SS18: variants seen among roughly 807,000 people sequenced by gnomAD.
The protein encoded by SS18 is protein SSXT.
In SS18, 28 loss-of-function variants were observed where a neutral mutation model predicts 72.5. That is an observed-to-expected ratio of 0.39 (90% confidence interval 0.29 to 0.53). SS18 has a LOEUF of 0.53. Ranked by LOEUF, SS18 falls within the 20% of genes least tolerant of loss-of-function variation. The pLI is 0.76. For synonymous variants in SS18, 172 were observed against 164.2 expected (o/e 1.05, Z -0.37); for missense variants, 518 against 535.3 (o/e 0.97, Z 0.32).
intron 3 of SS18, among the ~76,000 whole-genome samples, chr18:26,065,824 T>TATATATATATATATATAA (rs10527527): frequency 7.3e-6 from 1 of 136,740 alleles, no homozygotes; most frequent in African/African-American, 2.6e-5. Flanking sequence ...TATATATATA[T>TATATATATATATATATAA]GATCATTTTA....
At chr18:26,021,821 T>C (rs1342804699) in intron 10 of SS18, among the ~76,000 whole-genome samples, 1 of 152,158 alleles carries the variant, frequency 6.6e-6, no homozygotes, top group Admixed American at 6.5e-5. Context: ...CAGAAAAGTT[T>C]TGGTAGAAAA....
At chr18:26,091,006 C>A, upstream of SS18, 1 of 214,274 alleles carries the variant, frequency 4.7e-6, no homozygotes. Context: ...CAACTTGCCT[C>A]CCTCTCCGGC....
intron 10 of SS18, among the ~76,000 whole-genome samples, chr18:26,030,858 A>G (rs2053531645): frequency 2.0e-5 from 3 of 152,224 alleles, no homozygotes; most frequent in Admixed American, 2.0e-4. Flanking sequence ...TAAAAACAAT[A>G]AAGAATGAAT....
At chr18:26,053,468 A>G (rs1385605183) in intron 4 of SS18, among the ~76,000 whole-genome samples, 1 of 151,988 alleles carries the variant, frequency 6.6e-6, no homozygotes, top group Non-Finnish European at 1.5e-5. Flanking sequence ...GCCATAAAAC[A>G]TTGATAAATT....
chr18:26,029,548 T>C (rs1316608454), intron 10 of SS18, among the ~76,000 whole-genome samples: 1 of 152,146 alleles, frequency 6.6e-6, no homozygotes, highest in Non-Finnish European at 1.5e-5. Flanking sequence ...GCTAATTGGA[T>C]GTCTGCTTTG....
intron 3 of SS18, among the ~76,000 whole-genome samples, chr18:26,065,253 G>C (rs957640234): frequency 6.6e-6 from 1 of 152,064 alleles, no homozygotes; most frequent in East Asian, 1.9e-4. Context: ...AAAATGCAAA[G>C]GACCCAGAAT....
intron 2 of SS18, among the ~76,000 whole-genome samples, chr18:26,086,737 T>C (rs536961831): frequency 1.2e-4 from 18 of 152,322 alleles, no homozygotes; most frequent in Non-Finnish European, 2.6e-4. Flanking sequence ...TGAATGACAA[T>C]CAGTTCTCTA....
At chr18:26,024,705 G>A (rs2053415950) in intron 10 of SS18, among the ~76,000 whole-genome samples, 1 of 152,124 alleles carries the variant, frequency 6.6e-6, no homozygotes, top group South Asian at 2.1e-4. Flanking sequence ...CAATAAAGCT[G>A]TTTTTGTTAA....
rs1352507744 is a variant in SS18, at chr18:26,017,783, T to C, written c.*571A>G. 1.3e-5 allele frequency: 3 copies of C among 224,354 alleles called. No individual in the cohort carries two copies. The highest frequency in any genetic ancestry group is 4.5e-5 in the African/African-American group (2 of 44,880). 13.9% of individuals were successfully genotyped at this position (224,354 alleles called of 1,614,324 possible). A position where few individuals can be genotyped will look rare whatever the true frequency, so the allele number is the denominator to read the frequency against. On this transcript the variant is annotated 3_prime_UTR_variant, in exon 11 of 11. Coordinates refer to ENST00000415083, the MANE Select transcript of SS18 (RefSeq NM_001007559.3). ...CAGTGGACATATGGTGTGCTTTGTC[T>C]TCCCCTCACCTTTATCTTTATAGCA... is the stretch of plus-strand genomic sequence containing the variant.
In SS18 at chr18:26,057,641, A is replaced by G. The variant is rs1304801766; in HGVS notation, c.333T>C (p.Gly111=). ...SHNMPSDGMV[G]GGPPAPHMQN... ...GCATGTGCGGTGCAGGAGGACCCCC[A>G]CCTACCATTCCATCTGAAGGCATGT... The change falls in exon 4 of 11, where the codon GGT becomes GGC. Residue 111 remains glycine, a synonymous_variant. Coordinates refer to ENST00000415083, the MANE Select transcript of SS18 (RefSeq NM_001007559.3). 1 of 1,613,878 alleles carries G rather than the reference A, an allele frequency of 6.2e-7. No homozygotes were observed. The highest frequency in any genetic ancestry group is 1.3e-5 in the African/African-American group (1 of 74,876).
intron 5 of SS18, among the ~76,000 whole-genome samples, chr18:26,042,185 A>G (rs2053740530): frequency 2.0e-5 from 3 of 152,216 alleles, no homozygotes. Context: ...TAAGAGAAGC[A>G]AACTCAAAAG....
chr18:26,057,812 T>G (rs976334161), intron 3 of SS18, 70 bp from the exon 4 acceptor site: 22 of 1,392,244 alleles, frequency 1.6e-5, no homozygotes, highest in Non-Finnish European at 2.0e-5. Context: ...GGTAAAAGAG[T>G]TGCTTATGTT....
At chr18:26,073,262 T>C (rs913595373) in intron 3 of SS18, among the ~76,000 whole-genome samples, 3 of 152,108 alleles carry the variant, frequency 2.0e-5, no homozygotes, top group African/African-American at 7.2e-5. Context: ...TTAGAAAATA[T>C]TTGGAATTAA....
At chr18:26,082,318 C>T (rs1282403099) in intron 2 of SS18, 4 of 880,496 alleles carry the variant, frequency 4.5e-6, no homozygotes, top group Non-Finnish European at 5.4e-6. Flanking sequence ...GACATAATTA[C>T]AAAATTAAGC....
chr18:26,050,647 T>G (rs2053905727), intron 5 of SS18, among the ~76,000 whole-genome samples: 1 of 152,150 alleles, frequency 6.6e-6, no homozygotes, highest in African/African-American at 2.4e-5. Context: ...TGTGTTCTTT[T>G]GATTCTGAAA....
At chr18:26,047,779 C>A (rs2053854749) in intron 5 of SS18, among the ~76,000 whole-genome samples, 1 of 151,852 alleles carries the variant, frequency 6.6e-6, no homozygotes. Flanking sequence ...GGAGGCAGAG[C>A]TTGCAGTGAA....
At chr18:26,078,269 C>T (rs967604151) in intron 2 of SS18, 109 bp from the exon 3 acceptor site, 6 of 690,086 alleles carry the variant, frequency 8.7e-6, no homozygotes, top group Admixed American at 6.1e-5. Flanking sequence ...ATTTGTTACC[C>T]GAACATCAAT....
intron 10 of SS18, among the ~76,000 whole-genome samples, chr18:26,025,053 G>T (rs1342526813): frequency 6.6e-6 from 1 of 151,978 alleles, no homozygotes; most frequent in Non-Finnish European, 1.5e-5. Context: ...ATATTGGCAG[G>T]GATAAAGACA....
At chr18:26,019,702 T>C (rs946886808) in intron 10 of SS18, among the ~76,000 whole-genome samples, 2 of 147,988 alleles carry the variant, frequency 1.4e-5, no homozygotes, top group Admixed American at 1.4e-4. Context: ...TCCCAGCTAC[T>C]TGGGAGGCTG....
Sources: gnomAD v4.1 joint callset for allele counts (sites outside exome capture counted in the v4.1 genomes callset) on GRCh38, gnomAD v4.1.1 for gene constraint, MANE v1.5 for transcripts, NCBI Gene and HGNC (gene_info 2026-07-23, HGNC 2026-07-21) for gene names.